Variants in PDE4B observed in about 807,000 individuals in gnomAD.
PDE4B encodes the protein 3',5'-cyclic-AMP phosphodiesterase 4B.
PDE4B carries 20 observed loss-of-function variants against 82.2 expected under a neutral mutation model. The ratio of observed to expected loss-of-function variants is 0.24; its 90% CI spans 0.17 to 0.35. PDE4B has a LOEUF of 0.35. Ranked by LOEUF, PDE4B falls within the 10% of genes least tolerant of loss-of-function variation. The pLI, the probability that PDE4B is intolerant of heterozygous loss-of-function variation, is 1.00. For synonymous variants in PDE4B, 320 were observed against 318.9 expected, an observed-to-expected ratio of 1.00 and a Z score of -0.04; for missense variants, 655 against 907.2, an observed-to-expected ratio of 0.72 and a Z score of 3.57.
At chr1:65,873,690 G>C (rs557433020) in intron 1 of PDE4B, among the ~76,000 whole-genome samples, 134 of 152,210 alleles carry the variant, frequency 8.8e-4, no homozygotes, top group African/African-American at 2.8e-3. Context: ...TATATGGAAT[G>C]AACAATTCTC....
At chr1:65,965,365 G>A (rs919391833) in intron 3 of PDE4B, among the ~76,000 whole-genome samples, 1 of 152,054 alleles carries the variant, frequency 6.6e-6, no homozygotes, top group African/African-American at 2.4e-5. Flanking sequence ...TTCTCAAAGG[G>A]TTACAAAGCA....
intron 8 of PDE4B, among the ~76,000 whole-genome samples, chr1:66,339,328 A>G (rs983243818): frequency 2.6e-5 from 4 of 152,246 alleles, no homozygotes; most frequent in Non-Finnish European, 4.4e-5. Context: ...TATTAGTGCA[A>G]TTCAGTATTC....
At chr1:65,951,672 A>G (rs1023074535) in intron 3 of PDE4B, among the ~76,000 whole-genome samples, 1 of 152,102 alleles carries the variant, frequency 6.6e-6, no homozygotes, top group Non-Finnish European at 1.5e-5. Context: ...AGTGTTTTGA[A>G]AACTGTAAAA....
intron 3 of PDE4B, among the ~76,000 whole-genome samples, chr1:65,954,718 TTC>T (rs1649171337): frequency 6.6e-6 from 1 of 152,132 alleles, no homozygotes; most frequent in Non-Finnish European, 1.5e-5. Context: ...ATTTGATCAG[TTC>T]TCTCACTACA....
chr1:65,926,345 C>G (rs915858641), intron 3 of PDE4B, among the ~76,000 whole-genome samples: 4 of 152,138 alleles, frequency 2.6e-5, no homozygotes, highest in Non-Finnish European at 5.9e-5. Context: ...TTACAGAAAA[C>G]TTTCATAGCT....
At chr1:66,067,847 T>G (rs539527026) in intron 3 of PDE4B, among the ~76,000 whole-genome samples, 1 of 150,910 alleles carries the variant, frequency 6.6e-6, no homozygotes, top group Non-Finnish European at 1.5e-5. Flanking sequence ...TTTAAGTCTT[T>G]AATCCATCTT....
At chr1:66,287,636 A>T (rs532026447) in intron 7 of PDE4B, among the ~76,000 whole-genome samples, 2 of 152,250 alleles carry the variant, frequency 1.3e-5, no homozygotes, top group South Asian at 4.1e-4. Flanking sequence ...TTGAGCAAAT[A>T]ACTTGTCTTT....
At chr1:65,804,966 G>A (rs1040179237) in intron 1 of PDE4B, among the ~76,000 whole-genome samples, 1 of 122,572 alleles carries the variant, frequency 8.2e-6, no homozygotes, top group Non-Finnish European at 1.7e-5. Context: ...TTTTTGGGGG[G>A]GTGGGTGGGG....
intron 8 of PDE4B, among the ~76,000 whole-genome samples, chr1:66,337,327 C>T (rs1557709440): frequency 6.6e-6 from 1 of 152,216 alleles, no homozygotes; most frequent in Non-Finnish European, 1.5e-5. Flanking sequence ...CTTTGCTCCC[C>T]TCTCTAAACT....
intron 3 of PDE4B, among the ~76,000 whole-genome samples, chr1:66,100,308 C>T (rs1183029212): frequency 6.6e-6 from 1 of 152,072 alleles, no homozygotes; most frequent in African/African-American, 2.4e-5. Context: ...CCGCCTTGGC[C>T]TCCTAAAGTG....
At chr1:66,148,558 T>C (rs1409545153) in intron 3 of PDE4B, among the ~76,000 whole-genome samples, 1 of 152,234 alleles carries the variant, frequency 6.6e-6, no homozygotes, top group Non-Finnish European at 1.5e-5. Flanking sequence ...TTTTAGTATA[T>C]TTATGGAATC....
At chr1:66,274,436 G>A (rs1055098748) in intron 7 of PDE4B, among the ~76,000 whole-genome samples, 3 of 151,944 alleles carry the variant, frequency 2.0e-5, no homozygotes, top group Non-Finnish European at 4.4e-5. Context: ...GCCTCCCAAA[G>A]TGCTGGGATT....
chr1:65,952,416 C>T (rs560151334), intron 3 of PDE4B, among the ~76,000 whole-genome samples: 67 of 152,084 alleles, frequency 4.4e-4, no homozygotes, highest in Non-Finnish European at 7.9e-4. Flanking sequence ...CGCGATGGCT[C>T]ATGCCTGTAA....
At position 65,848,475 on chromosome 1, in the gene PDE4B, G is replaced by A. The variant is rs575997344; in HGVS notation, c.-71+55227G>A. On this transcript the variant is annotated intron_variant, in intron 1 of 16. Coordinates refer to ENST00000341517, the MANE Select transcript of PDE4B (RefSeq NM_002600.4). ...GATAAATTTTGACATATATGTCTGTGAAATGTCAACCACAATCAACATGTA... is the reference window on the plus strand; with the variant it reads ...GATAAATTTTGACATATATGTCTGTAAAATGTCAACCACAATCAACATGTA... Among the ~76,000 whole-genome samples the A allele has an allele frequency of 3.9e-4, 56 of 142,698 alleles. 1 individual carries two copies. In the South Asian group the frequency reaches 0.012, roughly 31 times the overall value. 93.6% of individuals were successfully genotyped at this position (142,698 alleles called of 152,430 possible). A position where few individuals can be genotyped will look rare whatever the true frequency, so the allele number is the denominator to read the frequency against.
chr1:66,051,502 GAGA>G (rs1255979755), intron 3 of PDE4B, among the ~76,000 whole-genome samples: 9 of 152,102 alleles, frequency 5.9e-5, no homozygotes, highest in African/African-American at 1.7e-4. Context: ...GAAGAGAAAA[GAGA>G]AGATTTCTTT....
At chr1:66,301,816 AC>A (rs1377341970) in intron 7 of PDE4B, among the ~76,000 whole-genome samples, 1 of 152,068 alleles carries the variant, frequency 6.6e-6, no homozygotes, top group Non-Finnish European at 1.5e-5. Context: ...AGTTATAAAG[AC>A]CTTTTTCTTG....
At chr1:65,944,724 C>T (rs1648615040) in intron 3 of PDE4B, among the ~76,000 whole-genome samples, 1 of 151,808 alleles carries the variant, frequency 6.6e-6, no homozygotes, top group Non-Finnish European at 1.5e-5. Flanking sequence ...AAGCATACTG[C>T]AGGTAAGTCA....
intron 1 of PDE4B, among the ~76,000 whole-genome samples, chr1:65,821,633 AT>A (rs1557763993): frequency 6.6e-6 from 1 of 152,166 alleles, no homozygotes; most frequent in Non-Finnish European, 1.5e-5. Flanking sequence ...CTGACTTCTC[AT>A]TTTAGATAAT....
chr1:66,027,110 GT>G (rs1653480536), intron 3 of PDE4B, among the ~76,000 whole-genome samples: 1 of 152,102 alleles, frequency 6.6e-6, no homozygotes, highest in Non-Finnish European at 1.5e-5. Flanking sequence ...CTAAAAATAT[GT>G]GTATTAATCT....
Sources: gnomAD v4.1 joint callset for allele counts (sites outside exome capture counted in the v4.1 genomes callset) on GRCh38, gnomAD v4.1.1 for gene constraint, MANE v1.5 for transcripts, NCBI Gene and HGNC (gene_info 2026-07-23, HGNC 2026-07-21) for gene names.